Variants in PDE12 observed in about 807,000 individuals in gnomAD.
The protein encoded by PDE12 is phosphodiesterase 12.
Under a neutral mutation model 45.4 loss-of-function variants are expected in PDE12, and 26 were observed. The ratio of observed to expected loss-of-function variants is 0.57; its 90% CI spans 0.42 to 0.79. The LOEUF is 0.79. PDE12 is among the 30% of genes least tolerant of loss of function. The probability of loss-of-function intolerance (pLI) is 0.00; values close to 1 mark genes in which losing one functional copy is unlikely to be tolerated. For synonymous variants in PDE12, 283 were observed against 323.9 expected (o/e 0.87, Z 1.36); for missense variants, 668 against 790.0 (o/e 0.85, Z 1.85).
At chr3:57,601,188 TAGC>T in the PDE12 span, among the ~76,000 whole-genome samples, 1 of 151,984 alleles carries the variant, frequency 6.6e-6, no homozygotes, top group Admixed American at 6.6e-5. Context: ...TGGCTCACTG[TAGC>T]CTCTGCCTCC....
chr3:57,590,854 A>T, the PDE12 span, among the ~76,000 whole-genome samples: 2 of 152,042 alleles, frequency 1.3e-5, no homozygotes, highest in East Asian at 3.9e-4. Context: ...AATTTTTAAA[A>T]TTTTTTTGTA....
the PDE12 span, among the ~76,000 whole-genome samples, chr3:57,572,477 T>C: frequency 7.9e-5 from 12 of 152,246 alleles, no homozygotes; most frequent in East Asian, 1.7e-3. Flanking sequence ...TCCCAGCACT[T>C]TGGGAGGCGG....
chr3:57,640,260 C>G, the PDE12 span, among the ~76,000 whole-genome samples: 1 of 145,514 alleles, frequency 6.9e-6, no homozygotes, highest in Non-Finnish European at 1.5e-5. Context: ...CAGAGTGAGA[C>G]TCTGTCTCAA....
At chr3:57,568,334 A>G (rs2069804904), downstream of PDE12, among the ~76,000 whole-genome samples, 1 of 151,894 alleles carries the variant, frequency 6.6e-6, no homozygotes, top group African/African-American at 2.4e-5. Context: ...GTGGGCCTGT[A>G]GTCCCAGCTA....
chr3:57,629,083 G>A, the PDE12 span, among the ~76,000 whole-genome samples: 1 of 152,184 alleles, frequency 6.6e-6, no homozygotes, highest in Admixed American at 6.5e-5. Context: ...GCATTAGCCA[G>A]AATAATTGTC....
the PDE12 span, among the ~76,000 whole-genome samples, chr3:57,652,278 T>C: frequency 1.3e-5 from 2 of 152,074 alleles, no homozygotes; most frequent in Admixed American, 1.3e-4. Flanking sequence ...TTAGCTGCCA[T>C]GTTGTGAGAA....
chr3:57,631,450 T>C, the PDE12 span, among the ~76,000 whole-genome samples: 1 of 152,132 alleles, frequency 6.6e-6, no homozygotes, highest in Non-Finnish European at 1.5e-5. Flanking sequence ...TGCCTCAGCC[T>C]CCCAAAGTGC....
the PDE12 span, chr3:57,641,717 A>G: frequency 1.4e-5 from 22 of 1,613,468 alleles, no homozygotes; most frequent in Non-Finnish European, 1.8e-5. Context: ...TAGCAAAAAA[A>G]GGGTTGGTTA....
the PDE12 span, among the ~76,000 whole-genome samples, chr3:57,614,687 G>A: frequency 2.0e-5 from 3 of 151,014 alleles, no homozygotes; most frequent in African/African-American, 7.3e-5. Flanking sequence ...GAGACTTACA[G>A]GCGCCTGCCA....
downstream of PDE12, among the ~76,000 whole-genome samples, chr3:57,570,478 A>G (rs2069829857): frequency 6.7e-6 from 1 of 150,004 alleles, no homozygotes; most frequent in African/African-American, 2.5e-5. Context: ...TTGGCCTCCC[A>G]AAGTGCTAGG....
chr3:57,556,520 C>T lies in PDE12; in HGVS notation c.141C>T (p.Pro47=). The stretch of plus-strand genomic sequence containing the variant: ...TAGTGCGCTGCGTACCTTCGGAACC[C>T]AAGCTGAGCCTGTCATTCGCTTTGG... ...RAVVRCVPSE[P]KLSLSFALAD... is the part of the protein sequence containing the mutation. Residue 47 remains proline (P), a synonymous_variant, in exon 1 of 3, where the codon CCC becomes CCT. Transcript: ENST00000311180. This position sits in a 1 kb window ranked among gnomAD's most constrained non-coding sequence, Gnocchi z 5.0. 1 of 1,613,532 alleles carries T rather than the reference C, an allele frequency of 6.2e-7. No individual in the cohort carries two copies. The highest frequency in any genetic ancestry group is 8.5e-7 in the Non-Finnish European group (1 of 1,179,972).
the PDE12 span, among the ~76,000 whole-genome samples, chr3:57,602,083 C>G: frequency 1.3e-5 from 2 of 151,954 alleles, no homozygotes; most frequent in Non-Finnish European, 2.9e-5. Flanking sequence ...AACATTTGAG[C>G]AGATATATTC....
chr3:57,646,277 CA>C, the PDE12 span: 2,190 of 1,332,760 alleles, frequency 1.6e-3, no homozygotes, highest in Admixed American at 4.8e-3. Context: ...CTGCAGCATC[CA>C]AAAAAAAAAC....
chr3:57,636,508 T>G, the PDE12 span, among the ~76,000 whole-genome samples: 1 of 151,770 alleles, frequency 6.6e-6, no homozygotes, highest in Non-Finnish European at 1.5e-5. Context: ...GAAATGACAA[T>G]ATGGAGGGAA....
chr3:57,613,608 T>C, the PDE12 span, among the ~76,000 whole-genome samples: 1 of 151,316 alleles, frequency 6.6e-6, no homozygotes, highest in African/African-American at 2.4e-5. Flanking sequence ...ACTTAAAATA[T>C]AAAGACATAG....
the PDE12 span, among the ~76,000 whole-genome samples, chr3:57,636,849 A>T: frequency 6.6e-6 from 1 of 151,304 alleles, no homozygotes. Context: ...ACACAGGAGA[A>T]TCACTTGAAC....
chr3:57,615,282 A>G, the PDE12 span, among the ~76,000 whole-genome samples: 1 of 152,198 alleles, frequency 6.6e-6, no homozygotes. Flanking sequence ...ATATGTACAC[A>G]TGGAAAAAGA....
rs762604206 is a variant in PDE12, at chr3:57,556,774, T to C, written c.395T>C (p.Val132Ala). ...AAGCTGTACTACCGGGAAGAGGCAG[T>C]GGCTGAGGACGTGCTCAACGTGGAT... Reference protein sequence around the residue: ...VVKLYYREEAVAEDVLNVDAW... With the variant: ...VVKLYYREEAAAEDVLNVDAW... Residue 132 changes from valine (V) to alanine (A), a missense_variant, in exon 1 of 3, where the codon GTG becomes GCG. Physicochemically the swap from Val to Ala is moderately conservative, Grantham distance 64. Transcript: ENST00000311180. The surrounding 1 kb of genome is among the most constrained non-coding windows in gnomAD (Gnocchi z 5.0). 1.2e-6 allele frequency: 2 copies of C among 1,609,280 alleles called. No homozygotes were observed. Among genetic ancestry groups the C allele is most frequent in the Non-Finnish European group, 1.7e-6 (2 of 1,176,480 alleles).
the PDE12 span, among the ~76,000 whole-genome samples, chr3:57,590,372 G>C: frequency 6.6e-6 from 1 of 151,396 alleles, no homozygotes; most frequent in Admixed American, 6.6e-5. Context: ...TGTAATCCCA[G>C]CTACTTGGGA....
Sources: gnomAD v4.1 joint callset for allele counts (sites outside exome capture counted in the v4.1 genomes callset) on GRCh38, gnomAD v4.1.1 for gene constraint, Gnocchi (gnomAD v3.1) non-coding constraint, MANE v1.5 for transcripts, NCBI Gene and HGNC (gene_info 2026-07-23, HGNC 2026-07-21) for gene names.